Variants in GPR55 observed in about 807,000 individuals in gnomAD.
The protein encoded by GPR55 is G protein-coupled receptor 55.
In GPR55, 6 loss-of-function variants were observed where a neutral mutation model predicts 7.9. The ratio of observed to expected loss-of-function variants is 0.76; its 90% CI spans 0.41 to 1.49. The LOEUF is 1.49. Ranked by LOEUF, GPR55 falls within the 40% of genes most tolerant of loss-of-function variation. The pLI is 0.01. For synonymous variants in GPR55, 183 were observed against 166.8 expected, an observed-to-expected ratio of 1.10 and a Z score of -0.75; for missense variants, 376 against 406.0, an observed-to-expected ratio of 0.93 and a Z score of 0.63.
intron 1 of GPR55, among the ~76,000 whole-genome samples, chr2:230,935,058 C>T (rs1005150717): frequency 2.0e-5 from 3 of 152,110 alleles, no homozygotes; most frequent in South Asian, 2.1e-4. Context: ...CAGAGACACA[C>T]GGGTCTCAGA....
intron 1 of GPR55, among the ~76,000 whole-genome samples, chr2:230,951,126 C>T (rs187534941): frequency 6.6e-6 from 1 of 152,256 alleles, no homozygotes; most frequent in East Asian, 1.9e-4. Context: ...TGTGGGAACC[C>T]CAACTTGAAG....
rs1263174881 is a variant in GPR55 at position 230,923,807 on chromosome 2, G to A, written c.-135+1361C>T. 6.6e-6 allele frequency among the ~76,000 whole-genome samples: 1 copy of A among 152,112 alleles called. No homozygotes were observed. The highest frequency in any genetic ancestry group is 1.5e-5 in the Non-Finnish European group (1 of 68,018). ...CAAAAAGGCCGTGAGGGACCAGCTG[G>A]AACTCATGTTCTGAGTCTCTCCTCC... On this transcript the variant is annotated intron_variant, in intron 1 of 1. Transcript: ENST00000650999. This position sits in a 1 kb window ranked among gnomAD's most constrained non-coding sequence, Gnocchi z 4.1.
At chr2:230,932,584 C>G (rs2125062253) in intron 1 of GPR55, among the ~76,000 whole-genome samples, 1 of 152,302 alleles carries the variant, frequency 6.6e-6, no homozygotes, top group Admixed American at 6.5e-5. Context: ...GTACATAAAG[C>G]TCCGAACAGA....
At chr2:230,951,959 G>A (rs1014478576) in intron 1 of GPR55, among the ~76,000 whole-genome samples, 11 of 151,602 alleles carry the variant, frequency 7.3e-5, no homozygotes, top group Non-Finnish European at 1.5e-4. Context: ...CAGAAACGGG[G>A]GTCTTGCTAT....
chr2:230,942,466 G>A (rs747882), intron 1 of GPR55, among the ~76,000 whole-genome samples: 30,157 of 152,216 alleles, frequency 0.2, 3,417 homozygotes, highest in Non-Finnish European at 0.25. Context: ...CCCCCAGGAC[G>A]TTTTGCAGGA....
chr2:230,915,351 C>T (rs1356918990), intron 1 of GPR55, among the ~76,000 whole-genome samples: 1 of 152,230 alleles, frequency 6.6e-6, no homozygotes, highest in Non-Finnish European at 1.5e-5. Context: ...ACCCCAGCAG[C>T]ACCATCTGTG....
intron 1 of GPR55, among the ~76,000 whole-genome samples, chr2:230,937,540 T>C (rs899050560): frequency 6.6e-6 from 1 of 151,364 alleles, no homozygotes; most frequent in Admixed American, 6.6e-5. Context: ...CTGGTGCAAG[T>C]TGCACCCTTC....
intron 1 of GPR55, among the ~76,000 whole-genome samples, chr2:230,951,813 C>A (rs1033466131): frequency 6.1e-5 from 9 of 148,678 alleles, no homozygotes; most frequent in African/African-American, 2.2e-4. Context: ...AGCTGGAGGG[C>A]AATGGCACAA....
Position 230,914,871 on chromosome 2 carries a change from T to C in GPR55, c.-134-3775A>G, listed in dbSNP as rs148189797. On this transcript the variant is annotated intron_variant, in intron 1 of 1. Coordinates refer to ENST00000650999, the MANE Select transcript of GPR55 (RefSeq NM_005683.4). Reference sequence around the variant, plus strand: ...AACTCAGAGATTAAACAGGGGAAGTTCCCATGAAGGATAGTTGGGAGAGAG... The same window carrying C: ...AACTCAGAGATTAAACAGGGGAAGTCCCCATGAAGGATAGTTGGGAGAGAG... Among the ~76,000 whole-genome samples, 766 of 152,262 alleles carry C rather than the reference T, an allele frequency of 5.0e-3. 4 individuals are homozygous for C. The highest frequency in any genetic ancestry group is 9.0e-3 in the Non-Finnish European group (609 of 68,016).
Position 230,909,950 on chromosome 2 carries a change from GT to G in GPR55, c.*52del. ...ATCAAAACCCTGGAACGCGATATCCGTTACCAGAATTCAGGGCCAGGGCTTT... is the reference window on the plus strand; with the variant it reads ...ATCAAAACCCTGGAACGCGATATCCGTACCAGAATTCAGGGCCAGGGCTTT... On this transcript the variant is annotated 3_prime_UTR_variant, in exon 2 of 2. Coordinates refer to ENST00000650999, the MANE Select transcript of GPR55 (RefSeq NM_005683.4). The G allele has an allele frequency of 6.5e-7, 1 of 1,545,932 alleles. No homozygotes were observed. Among genetic ancestry groups the G allele is most frequent in the African/African-American group, 1.4e-5 (1 of 72,914 alleles).
intron 1 of GPR55, among the ~76,000 whole-genome samples, chr2:230,956,118 T>C (rs184748005): frequency 3.2e-4 from 49 of 152,254 alleles, no homozygotes; most frequent in Non-Finnish European, 6.2e-4. Flanking sequence ...AACATTTACC[T>C]GAAAGCAGGA....
At chr2:230,932,135 C>A (rs1401214258) in intron 1 of GPR55, among the ~76,000 whole-genome samples, 1 of 152,238 alleles carries the variant, frequency 6.6e-6, no homozygotes, top group Non-Finnish European at 1.5e-5. Context: ...CTGCACCCAA[C>A]CAAGTGACAA....
chr2:230,937,398 T>G (rs1328526860), intron 1 of GPR55, among the ~76,000 whole-genome samples: 1 of 151,664 alleles, frequency 6.6e-6, no homozygotes, highest in Non-Finnish European at 1.5e-5. Context: ...GAGTGAGGCA[T>G]TGTCACTCTC....
intron 1 of GPR55, among the ~76,000 whole-genome samples, chr2:230,947,702 A>G (rs1004823813): frequency 2.7e-4 from 41 of 151,974 alleles, no homozygotes; most frequent in African/African-American, 9.9e-4. Context: ...AGGTCTTACT[A>G]TATTGCCCAG....
chr2:230,932,728 G>C (rs913838364), intron 1 of GPR55, among the ~76,000 whole-genome samples: 1 of 152,074 alleles, frequency 6.6e-6, no homozygotes, highest in Non-Finnish European at 1.5e-5. Context: ...CCTAAACCAG[G>C]CCTCTCTCCC....
chr2:230,912,621 G>T (rs1430756101), intron 1 of GPR55, among the ~76,000 whole-genome samples: 1 of 152,046 alleles, frequency 6.6e-6, no homozygotes, highest in Non-Finnish European at 1.5e-5. Context: ...TGTATTTTTA[G>T]TAGAGATCAG....
At chr2:230,948,851 G>A (rs1355529446) in intron 1 of GPR55, among the ~76,000 whole-genome samples, 5 of 152,240 alleles carry the variant, frequency 3.3e-5, no homozygotes, top group East Asian at 1.9e-4. Context: ...GCAGGGGCAG[G>A]AGGATTGCTT....
At chr2:230,928,541 C>A (rs1466545607), upstream of GPR55, 1 of 152,120 alleles carries the variant, frequency 6.6e-6, no homozygotes, top group East Asian at 1.9e-4. Context: ...GATGACAGTA[C>A]CTGTCTCAGA....
upstream of GPR55, among the ~76,000 whole-genome samples, chr2:230,928,746 G>C (rs1474969585): frequency 6.6e-6 from 1 of 152,160 alleles, no homozygotes; most frequent in East Asian, 1.9e-4. Context: ...CAAGGAAAAG[G>C]GGTCCTAAAA....
Sources: allele counts gnomAD v4.1 joint callset (sites outside exome capture counted in the v4.1 genomes callset), GRCh38; gene constraint gnomAD v4.1.1; non-coding constraint Gnocchi (gnomAD v3.1); transcripts MANE v1.5; gene names NCBI Gene and HGNC (gene_info 2026-07-23, HGNC 2026-07-21).